CD74: variants seen among roughly 807,000 people sequenced by gnomAD.
CD74 encodes the protein HLA class II histocompatibility antigen gamma chain.
In CD74, 20 loss-of-function variants were observed where a neutral mutation model predicts 37.1. The ratio of observed to expected loss-of-function variants is 0.54; its 90% CI spans 0.38 to 0.78. The LOEUF (loss-of-function observed/expected upper bound fraction) is 0.78. Ranked by LOEUF, CD74 falls within the 30% of genes least tolerant of loss-of-function variation. The probability of loss-of-function intolerance (pLI) is 0.00; values close to 1 mark genes in which losing one functional copy is unlikely to be tolerated. For synonymous variants in CD74, 150 were observed against 152.0 expected (o/e 0.99, Z 0.10); for missense variants, 338 against 389.5 (o/e 0.87, Z 1.11).
intron 1 of CD74, 114 bp downstream of exon 1, chr5:150,412,511 A>G (rs941560349): frequency 1.0e-5 from 8 of 795,282 alleles, no homozygotes; most frequent in African/African-American, 1.7e-5. Flanking sequence ...TCAATGTTAG[A>G]GTCAGAGCCT....
At chr5:150,404,524 G>A (rs1581250420) in intron 6 of CD74, 156 bp downstream of exon 6, 1 of 597,240 alleles carries the variant, frequency 1.7e-6, no homozygotes. Context: ...GGAACAGACA[G>A]GAGAGAGAGA....
chr5:150,402,046 C>T lies in CD74; in HGVS notation c.*194G>A. ...CTGTTGACAGATGGAGATTGGGCAG[C>T]AGGGCCTTGCTGCATTGTTATCTGC... On this transcript the variant is annotated 3_prime_UTR_variant, in exon 9 of 9. Transcript: ENST00000009530. The surrounding 1 kb of genome is among the most constrained non-coding windows in gnomAD (Gnocchi z 4.2). 6.5e-7 allele frequency: 1 copy of T among 1,537,346 alleles called. No homozygotes were observed. The highest frequency in any genetic ancestry group is 8.7e-7 in the Non-Finnish European group (1 of 1,146,798).
In CD74 at chr5:150,403,368, C is replaced by T. The variant is rs1420481881; in HGVS notation, c.626-56G>A. On this transcript the variant is annotated intron_variant, in intron 6 of 8. Coordinates refer to ENST00000009530, the MANE Select transcript of CD74 (RefSeq NM_001025159.3). This position sits in a 1 kb window ranked among gnomAD's most constrained non-coding sequence, Gnocchi z 4.5. Reference sequence around the variant, plus strand: ...GAGTGAGTGAGCTCTGAACCAGGGTCTGAGCAGAGCTAAAGACCCACACAC... The same window carrying T: ...GAGTGAGTGAGCTCTGAACCAGGGTTTGAGCAGAGCTAAAGACCCACACAC... 6.7e-7 allele frequency: 1 copy of T among 1,493,656 alleles called. No individual in the cohort carries two copies. The highest frequency in any genetic ancestry group is 1.4e-5 in the African/African-American group (1 of 72,620). 92.5% of individuals were successfully genotyped at this position (1,493,656 alleles called of 1,614,324 possible). A position where few individuals can be genotyped will look rare whatever the true frequency, so the allele number is the denominator to read the frequency against.
chr5:150,412,330 G>C (rs1770391170), intron 1 of CD74, among the ~76,000 whole-genome samples: 1 of 152,222 alleles, frequency 6.6e-6, no homozygotes, highest in African/African-American at 2.4e-5. Flanking sequence ...CCCCTGCATA[G>C]CATGTGAAAC....
chr5:150,406,537 C>A (rs1328326603), intron 3 of CD74, among the ~76,000 whole-genome samples: 1 of 152,178 alleles, frequency 6.6e-6, no homozygotes, highest in Non-Finnish European at 1.5e-5. Flanking sequence ...AGCTTTCCTG[C>A]CCAGGGTTTT....
Position 150,402,073 on chromosome 5 carries a change from G to A in CD74, c.*167C>T, listed in dbSNP as rs1159771340. On this transcript the variant is annotated 3_prime_UTR_variant, in exon 9 of 9. Transcript: ENST00000009530. The surrounding 1 kb of genome is among the most constrained non-coding windows in gnomAD (Gnocchi z 4.2). ...GGGCCTTGCTGCATTGTTATCTGCT[G>A]TTCCGACTTGGTTTGTCTTGTCCAA... 1.2e-5 allele frequency: 18 copies of A among 1,540,510 alleles called. No homozygotes were observed. The highest frequency in any genetic ancestry group is 1.6e-5 in the Non-Finnish European group (18 of 1,146,876).
At chr5:150,408,224 A>C (rs564739309) in intron 1 of CD74, among the ~76,000 whole-genome samples, 1 of 152,258 alleles carries the variant, frequency 6.6e-6, no homozygotes, top group South Asian at 2.1e-4. Context: ...AGGAAGTGGG[A>C]CCGGGACAGC....
rs1769857211 is a variant in CD74 at position 150,404,821 on chromosome 5, A to G, written c.538-54T>C. The G allele has an allele frequency of 3.2e-6, 4 of 1,248,126 alleles. No homozygotes were observed. In the Admixed American group the frequency reaches 6.0e-5, roughly 19 times the overall value. 77.3% of individuals were successfully genotyped at this position (1,248,126 alleles called of 1,614,324 possible). A position where few individuals can be genotyped will look rare whatever the true frequency, so the allele number is the denominator to read the frequency against. The stretch of plus-strand genomic sequence containing the variant: ...TCGATGGCCACCACCAAGCCCCTAC[A>G]CTGCCTGGCTTTGCCCCTGGGGACA... On this transcript the variant is annotated intron_variant, in intron 5 of 8. Coordinates refer to ENST00000009530, the MANE Select transcript of CD74 (RefSeq NM_001025159.3).
Position 150,401,684 on chromosome 5 carries a change from G to C in CD74, c.*556C>G, listed in dbSNP as rs1023795535. ...TCTAATGTGAACCATGGCCCTGAAAGCTGATAACAAGCTTGGCTGAGCAGA... is the reference window on the plus strand; with the variant it reads ...TCTAATGTGAACCATGGCCCTGAAACCTGATAACAAGCTTGGCTGAGCAGA... On this transcript the variant is annotated 3_prime_UTR_variant, in exon 9 of 9. Coordinates refer to ENST00000009530, the MANE Select transcript of CD74 (RefSeq NM_001025159.3). 3.7e-6 allele frequency: 2 copies of C among 540,884 alleles called. No individual in the cohort carries two copies. Among genetic ancestry groups the C allele is most frequent in the Non-Finnish European group, 6.6e-6 (2 of 303,066 alleles). 33.5% of individuals were successfully genotyped at this position (540,884 alleles called of 1,614,324 possible).
chr5:150,411,309 C>T (rs1400539888), intron 1 of CD74, among the ~76,000 whole-genome samples: 2 of 152,294 alleles, frequency 1.3e-5, no homozygotes, highest in East Asian at 3.9e-4. Flanking sequence ...TCCAAGGTCA[C>T]GCGTGGCCTA....
At position 150,406,155 on chromosome 5, in the gene CD74, A is replaced by ATGT. The variant is rs1769947721; in HGVS notation, c.441+101_441+103dup. 3 of 812,948 alleles carry ATGT rather than the reference A, an allele frequency of 3.7e-6. No individual in the cohort carries two copies. In the East Asian group the frequency reaches 7.3e-5, roughly 20 times the overall value. The allele number at this position is 812,948 out of a possible 1,614,324, so 50.4% of individuals were successfully genotyped here. ...TTGTATTCAGTAATCCAGAGAGCACATGTTGAAAGTCTGCCATGAGCCAGG... is the reference window on the plus strand; with the variant it reads ...TTGTATTCAGTAATCCAGAGAGCACATGTTGTTGAAAGTCTGCCATGAGCCAGG... On this transcript the variant is annotated intron_variant, in intron 4 of 8. Transcript: ENST00000009530.
Position 150,403,867 on chromosome 5 carries a change from ACAAT to A in CD74, c.626-559_626-556del, listed in dbSNP as rs1368189326. Reference sequence around the variant, plus strand: ...GAGCCAGACTCTATCTCAAAAACAAACAATCAAACAAAAAAACACCATTACAGTT... The same window carrying A: ...GAGCCAGACTCTATCTCAAAAACAAACAAACAAAAAAACACCATTACAGTT... On this transcript the variant is annotated intron_variant, in intron 6 of 8. Coordinates refer to ENST00000009530, the MANE Select transcript of CD74 (RefSeq NM_001025159.3). This position sits in a 1 kb window ranked among gnomAD's most constrained non-coding sequence, Gnocchi z 4.5. 2.6e-5 allele frequency among the ~76,000 whole-genome samples: 4 copies of A among 152,232 alleles called. No homozygotes were observed. Among genetic ancestry groups the A allele is most frequent in the African/African-American group, 9.6e-5 (4 of 41,456 alleles).
In CD74 at chr5:150,403,185, C is replaced by T. The variant is rs1769744551; in HGVS notation, c.753G>A (p.Trp251Ter). The T allele has an allele frequency of 1.2e-6, 2 of 1,614,040 alleles. No individual in the cohort carries two copies. Among genetic ancestry groups the T allele is most frequent in the African/African-American group, 1.3e-5 (1 of 75,052 alleles). Residue 251 changes from tryptophan to a stop codon, truncating the protein, a stop_gained, in exon 7 of 9, where the codon TGG (tryptophan) becomes TGA (stop). Coordinates refer to ENST00000009530, the MANE Select transcript of CD74 (RefSeq NM_001025159.3). LOFTEE classifies it high-confidence loss of function. The surrounding 1 kb of genome is among the most constrained non-coding windows in gnomAD (Gnocchi z 4.5). ...LQCYGSIGYC[W>*]CVFPNGTEVP... ...CCTCCGTGCCGTTGGGGAAGACACA[C>T]CAGCAGTAGCCGATGCTCCCATAGC...
At chr5:150,410,774 T>C (rs888287624) in intron 1 of CD74, among the ~76,000 whole-genome samples, 23 of 149,896 alleles carry the variant, frequency 1.5e-4, no homozygotes, top group Non-Finnish European at 4.4e-5. Context: ...CACAAAAGCC[T>C]CCAAAACAGG....
In CD74 at chr5:150,407,468, CAGTA is replaced by C; in HGVS notation, c.126-148_126-145del. ...ATAAACAATGCATTTGAAGCACAAA[CAGTA>C]AGCTGGCTATGGAAACACAGCTTGA... On this transcript the variant is annotated intron_variant, in intron 1 of 8. Transcript: ENST00000009530. The surrounding 1 kb of genome is among the most constrained non-coding windows in gnomAD (Gnocchi z 4.4). 2 of 642,140 alleles carry C rather than the reference CAGTA, an allele frequency of 3.1e-6. No homozygotes were observed. The highest frequency in any genetic ancestry group is 3.0e-5 in the Admixed American group (1 of 33,736). 39.8% of individuals were successfully genotyped at this position (642,140 alleles called of 1,614,324 possible).
intron 5 of CD74, among the ~76,000 whole-genome samples, 157 bp from the exon 6 acceptor site, chr5:150,404,924 TG>T: frequency 6.6e-6 from 1 of 152,318 alleles, no homozygotes; most frequent in East Asian, 1.9e-4. Flanking sequence ...CCCCTGGGGC[TG>T]AACCCCACAT....
In CD74 at chr5:150,402,233, G is replaced by A. The variant is rs760564695; in HGVS notation, c.*7C>T. On this transcript the variant is annotated 3_prime_UTR_variant, in exon 9 of 9. Coordinates refer to ENST00000009530, the MANE Select transcript of CD74 (RefSeq NM_001025159.3). This position sits in a 1 kb window ranked among gnomAD's most constrained non-coding sequence, Gnocchi z 4.2. The stretch of plus-strand genomic sequence containing the variant: ...TGGCAGGATGTTGAAGACCGCCTCT[G>A]CTGCTCTCACATGGGGACTGGAGAG... 2 of 1,601,916 alleles carry A rather than the reference G, an allele frequency of 1.2e-6. No individual in the cohort carries two copies. The highest frequency in any genetic ancestry group is 1.1e-5 in the South Asian group (1 of 88,844).
chr5:150,407,135 T>G lies in CD74; in HGVS notation c.298+17A>C. 1 of 1,608,872 alleles carries G rather than the reference T, an allele frequency of 6.2e-7. No homozygotes were observed. Among genetic ancestry groups the G allele is most frequent in the Non-Finnish European group, 8.5e-7 (1 of 1,177,046 alleles). On this transcript the variant is annotated intron_variant, in intron 2 of 8. Coordinates refer to ENST00000009530, the MANE Select transcript of CD74 (RefSeq NM_001025159.3). This position sits in a 1 kb window ranked among gnomAD's most constrained non-coding sequence, Gnocchi z 4.4. ...TGGTGGGAGGTGGGGGGTATCAGGA[T>G]GTAGGGGTGCACGCACGCTTGGGAA...
Position 150,403,418 on chromosome 5 carries a change from T to C in CD74, c.626-106A>G. ...CCACTGCTGTGGGCTTAATGCCTTC[T>C]TCCCAAGTGGCTTTACTCACTCCAG... On this transcript the variant is annotated intron_variant, in intron 6 of 8. Transcript: ENST00000009530. The surrounding 1 kb of genome is among the most constrained non-coding windows in gnomAD (Gnocchi z 4.5). 9.9e-7 allele frequency: 1 copy of C among 1,012,916 alleles called. No individual in the cohort carries two copies. Among genetic ancestry groups the C allele is most frequent in the Non-Finnish European group, 1.5e-6 (1 of 656,072 alleles). The allele number at this position is 1,012,916 out of a possible 1,614,324, so 62.7% of individuals were successfully genotyped here. A position where few individuals can be genotyped will look rare whatever the true frequency, so the allele number is the denominator to read the frequency against.
Sources: gnomAD v4.1 joint callset for allele counts (sites outside exome capture counted in the v4.1 genomes callset) on GRCh38, gnomAD v4.1.1 for gene constraint, Gnocchi (gnomAD v3.1) non-coding constraint, MANE v1.5 for transcripts, NCBI Gene and HGNC (gene_info 2026-07-23, HGNC 2026-07-21) for gene names.